Variants in NAP1L4 observed in about 807,000 individuals in gnomAD.
NAP1L4 encodes nucleosome assembly protein 1 like 4.
NAP1L4 carries 15 observed loss-of-function variants against 58.2 expected under a neutral mutation model. That is an observed-to-expected ratio of 0.26 (90% CI 0.17 to 0.40). NAP1L4 has a LOEUF of 0.40. Ranked by LOEUF, NAP1L4 falls within the 10% of genes least tolerant of loss-of-function variation. NAP1L4 has a pLI of 1.00. For synonymous variants in NAP1L4, 171 were observed against 155.6 expected, an observed-to-expected ratio of 1.10 and a Z score of -0.74; for missense variants, 384 against 451.1, an observed-to-expected ratio of 0.85 and a Z score of 1.35.
At position 2,951,318 on chromosome 11, in the gene NAP1L4, G is replaced by A. The variant is rs1159412457; in HGVS notation, c.1066-3C>T. 2 of 1,613,046 alleles carry A rather than the reference G, an allele frequency of 1.2e-6. No homozygotes were observed. Among genetic ancestry groups the A allele is most frequent in the South Asian group, 2.2e-5 (2 of 91,022 alleles). ...CCCTCCTCGTCACCTTCTAATTCCT[G>A]TATTTAAAAAGTGAGAATTAGCTGG... is the stretch of plus-strand genomic sequence containing the variant. On this transcript the variant is annotated splice_polypyrimidine_tract_variant and splice_region_variant and intron_variant, in intron 13 of 15. Transcript: ENST00000380542. The surrounding 1 kb of genome is among the most constrained non-coding windows in gnomAD (Gnocchi z 4.0).
At chr11:2,982,196 C>T (rs1023902524) in intron 1 of NAP1L4, among the ~76,000 whole-genome samples, 28 of 152,144 alleles carry the variant, frequency 1.8e-4, no homozygotes, top group Admixed American at 1.8e-3. Context: ...ATAGCAGGAC[C>T]GCTACAGTAG....
intron 3 of NAP1L4, 109 bp from the exon 4 acceptor site, chr11:2,976,232 C>G (rs1590257538): frequency 1.4e-6 from 1 of 695,258 alleles, no homozygotes; most frequent in East Asian, 2.7e-5. Flanking sequence ...TTTACATCTA[C>G]TAATTTCTAA....
In NAP1L4 at chr11:2,948,499, C is replaced by CCTCTGT. The variant is rs1288712594; in HGVS notation, c.*32+722_*32+727dup. On this transcript the variant is annotated intron_variant, in intron 15 of 15. Coordinates refer to ENST00000380542, the MANE Select transcript of NAP1L4 (RefSeq NM_005969.4). The surrounding 1 kb of genome is among the most constrained non-coding windows in gnomAD (Gnocchi z 5.1). ...GAACAGGTCTCGTCACGGGCAAGAG[C>CCTCTGT]CTCTGTCTACTTACGGCCTCCTGTC... is the stretch of plus-strand genomic sequence containing the variant. 2.6e-5 allele frequency among the ~76,000 whole-genome samples: 4 copies of CCTCTGT among 152,158 alleles called. No individual in the cohort carries two copies. Among genetic ancestry groups the CCTCTGT allele is most frequent in the Non-Finnish European group, 4.4e-5 (3 of 68,034 alleles).
chr11:2,951,153 G>C lies in NAP1L4; in HGVS notation c.1122+106C>G. ...GACACATTTTAAACTTTCTAATTAG[G>C]GAATAATGAATATTGTTAACACTAC... is the stretch of plus-strand genomic sequence containing the variant. On this transcript the variant is annotated intron_variant, in intron 14 of 15. Coordinates refer to ENST00000380542, the MANE Select transcript of NAP1L4 (RefSeq NM_005969.4). This position sits in a 1 kb window ranked among gnomAD's most constrained non-coding sequence, Gnocchi z 4.0. The C allele has an allele frequency of 1.2e-6, 1 of 836,240 alleles. No individual in the cohort carries two copies. The highest frequency in any genetic ancestry group is 2.0e-6 in the Non-Finnish European group (1 of 504,328). 51.8% of individuals were successfully genotyped at this position (836,240 alleles called of 1,614,324 possible).
At chr11:2,972,562 A>C (rs367906223) in intron 4 of NAP1L4, among the ~76,000 whole-genome samples, 4 of 152,348 alleles carry the variant, frequency 2.6e-5, no homozygotes, top group African/African-American at 9.6e-5. Context: ...AAAAACCAAA[A>C]CAAAACACCC....
Position 2,959,898 on chromosome 11 carries a change from T to A in NAP1L4, c.618A>T (p.Leu206Phe). The A allele has an allele frequency of 6.2e-7, 1 of 1,613,994 alleles. No homozygotes were observed. Among genetic ancestry groups the A allele is most frequent in the Non-Finnish European group, 8.5e-7 (1 of 1,179,972 alleles). Residue 206 changes from leucine to phenylalanine, a missense_variant, in exon 9 of 16, where the codon TTA (leucine) becomes TTT (phenylalanine). Coordinates refer to ENST00000380542, the MANE Select transcript of NAP1L4 (RefSeq NM_005969.4). The surrounding 1 kb of genome is among the most constrained non-coding windows in gnomAD (Gnocchi z 4.9). ...SDPGQPMSFV[L>F]EFHFEPNDYF... Reference sequence around the variant, plus strand: ...AGTCGTTGGGTTCAAAGTGGAACTCTAACACAAAAGACTAAAAGTAGAAAT... The same window carrying A: ...AGTCGTTGGGTTCAAAGTGGAACTCAAACACAAAAGACTAAAAGTAGAAAT...
At position 2,959,706 on chromosome 11, in the gene NAP1L4, T is replaced by C; in HGVS notation, c.746+64A>G. The C allele has an allele frequency of 6.3e-7, 1 of 1,589,116 alleles. No individual in the cohort carries two copies. Among genetic ancestry groups the C allele is most frequent in the South Asian group, 1.1e-5 (1 of 89,378 alleles). On this transcript the variant is annotated intron_variant, in intron 9 of 15. Transcript: ENST00000380542. The surrounding 1 kb of genome is among the most constrained non-coding windows in gnomAD (Gnocchi z 4.9). ...TTATTCCTTACTTCTATCTTACCCA[T>C]CAAGTTACAAAATTATCTTTTGATT...
chr11:2,980,475 C>T (rs376329071), intron 1 of NAP1L4, among the ~76,000 whole-genome samples: 1 of 152,206 alleles, frequency 6.6e-6, no homozygotes, highest in Non-Finnish European at 1.5e-5. Flanking sequence ...TGTGAGTCAA[C>T]ACGCCTGGCC....
At position 2,959,801 on chromosome 11, in the gene NAP1L4, A is replaced by T. The variant is rs1846749088; in HGVS notation, c.715T>A (p.Phe239Ile). The T allele has an allele frequency of 6.2e-7, 1 of 1,614,058 alleles. No individual in the cohort carries two copies. Among genetic ancestry groups the T allele is most frequent in the Admixed American group, 1.7e-5 (1 of 60,004 alleles). Residue 239 changes from phenylalanine (F) to isoleucine (I), a missense_variant, in exon 9 of 16, where the codon TTT becomes ATT. Around this residue, in one of 3 missense-constraint regions of NAP1L4, gnomAD observed 296 missense variants for 360.8 expected, o/e 0.82. Transcript: ENST00000380542. This position sits in a 1 kb window ranked among gnomAD's most constrained non-coding sequence, Gnocchi z 4.9. ...SEPDKADPFS[F>I]EGPEIVDCDG... ...CAGTCCACAATCTCAGGACCTTCAA[A>T]GGAAAAGGGATCAGCCTTATCTGGT... is the stretch of plus-strand genomic sequence containing the variant.
rs1846104991 is a variant in NAP1L4, at chr11:2,949,360, A to G, written c.1123-96T>C. 2 of 1,003,400 alleles carry G rather than the reference A, an allele frequency of 2.0e-6. No individual in the cohort carries two copies. The highest frequency in any genetic ancestry group is 3.2e-5 in the African/African-American group (2 of 62,528). 62.2% of individuals were successfully genotyped at this position (1,003,400 alleles called of 1,614,324 possible). ...GGAAACGGCCACAATTTCTCATGAT[A>G]CAAAAGGGCTGCAAGATACTGAACT... On this transcript the variant is annotated intron_variant, in intron 14 of 15. Transcript: ENST00000380542. This position sits in a 1 kb window ranked among gnomAD's most constrained non-coding sequence, Gnocchi z 4.0.
intron 2 of NAP1L4, among the ~76,000 whole-genome samples, chr11:2,978,605 T>C (rs1322020275): frequency 2.6e-5 from 4 of 152,162 alleles, no homozygotes; most frequent in African/African-American, 4.8e-5. Flanking sequence ...CAAAGCTTCT[T>C]AGCTCTCATT....
In NAP1L4 at chr11:2,959,957, CGAG is replaced by C; in HGVS notation, c.607-51_607-49del. On this transcript the variant is annotated intron_variant, in intron 8 of 15. Coordinates refer to ENST00000380542, the MANE Select transcript of NAP1L4 (RefSeq NM_005969.4). The surrounding 1 kb of genome is among the most constrained non-coding windows in gnomAD (Gnocchi z 4.9). Reference sequence around the variant, plus strand: ...AGCACCAGTTAAAATAGAAAAATAACGAGGACAGATTGCTTGGAGTACACAACA... The same window carrying C: ...AGCACCAGTTAAAATAGAAAAATAACGACAGATTGCTTGGAGTACACAACA... 6.3e-7 allele frequency: 1 copy of C among 1,594,060 alleles called. No individual in the cohort carries two copies. Among genetic ancestry groups the C allele is most frequent in the Middle Eastern group, 1.7e-4 (1 of 5,856 alleles).
chr11:2,966,467 A>C lies in NAP1L4; in HGVS notation c.535-1716T>G, dbSNP rs568617992. Among the ~76,000 whole-genome samples, 3 of 152,210 alleles carry C rather than the reference A, an allele frequency of 2.0e-5. No homozygotes were observed. The East Asian group carries it at 5.8e-4, about 29-fold the overall frequency. ...TCTCTCTCCCTCTTAGCCTTTATCA[A>C]CAATTCTCTGCTTCGGTGAGCTGTT... On this transcript the variant is annotated intron_variant, in intron 7 of 15. Transcript: ENST00000380542.
At chr11:2,975,470 C>G (rs1174840160) in intron 4 of NAP1L4, among the ~76,000 whole-genome samples, 1 of 152,208 alleles carries the variant, frequency 6.6e-6, no homozygotes, top group East Asian at 1.9e-4. Flanking sequence ...CGGTAGCTCA[C>G]CCGTTATCCC....
In NAP1L4 at chr11:2,949,245, T is replaced by C. The variant is rs543021192; in HGVS notation, c.*14A>G. ...ACCTTACCTAGAAACGTATGAATGATTAACAGACAAAAATTACACCTAAAT... is the reference window on the plus strand; with the variant it reads ...ACCTTACCTAGAAACGTATGAATGACTAACAGACAAAAATTACACCTAAAT... On this transcript the variant is annotated 3_prime_UTR_variant, in exon 15 of 16. Coordinates refer to ENST00000380542, the MANE Select transcript of NAP1L4 (RefSeq NM_005969.4). This position sits in a 1 kb window ranked among gnomAD's most constrained non-coding sequence, Gnocchi z 4.0. 2 of 1,600,938 alleles carry C rather than the reference T, an allele frequency of 1.2e-6. No homozygotes were observed. The highest frequency in any genetic ancestry group is 1.7e-5 in the Admixed American group (1 of 59,966).
intron 10 of NAP1L4, among the ~76,000 whole-genome samples, chr11:2,956,275 G>T (rs965607499): frequency 1.3e-5 from 2 of 152,018 alleles, no homozygotes; most frequent in Non-Finnish European, 2.9e-5. Flanking sequence ...TGCCCACCAG[G>T]GGCCCCTGTA....
intron 12 of NAP1L4, chr11:2,952,112 C>T (rs964722094): frequency 4.6e-5 from 21 of 453,084 alleles, no homozygotes; most frequent in Non-Finnish European, 7.9e-5. Flanking sequence ...GTTCTCACAC[C>T]GAGGAGCAGG....
At chr11:2,985,885 A>G (rs1283933113) in intron 1 of NAP1L4, among the ~76,000 whole-genome samples, 1 of 152,168 alleles carries the variant, frequency 6.6e-6, no homozygotes, top group East Asian at 1.9e-4. Context: ...AAAATAAAAT[A>G]AAATAATTCC....
intron 7 of NAP1L4, among the ~76,000 whole-genome samples, chr11:2,968,421 T>G (rs1022411627): frequency 6.8e-6 from 1 of 146,282 alleles, no homozygotes; most frequent in East Asian, 1.9e-4. Flanking sequence ...TGGTCTAGTC[T>G]TCTTAAATTC....
Sources: allele counts gnomAD v4.1 joint callset (sites outside exome capture counted in the v4.1 genomes callset), GRCh38; gene constraint gnomAD v4.1.1; regional missense constraint gnomAD v4.1.1; non-coding constraint Gnocchi (gnomAD v3.1); transcripts MANE v1.5; gene names NCBI Gene and HGNC (gene_info 2026-07-23, HGNC 2026-07-21).